KANK4: variants seen among roughly 807,000 people sequenced by gnomAD.
KANK4 encodes KN motif and ankyrin repeat domains 4.
In KANK4, 50 loss-of-function variants were observed where a neutral mutation model predicts 80.8. The ratio of observed to expected loss-of-function variants is 0.62; its 90% CI spans 0.49 to 0.78. The LOEUF is 0.78. KANK4 is among the 30% of genes least tolerant of loss of function. The probability of loss-of-function intolerance (pLI) is 0.00; values close to 1 mark genes in which losing one functional copy is unlikely to be tolerated. For synonymous variants in KANK4, 465 were observed against 506.9 expected, an observed-to-expected ratio of 0.92 and a Z score of 1.11; for missense variants, 1,196 against 1,240.1, an observed-to-expected ratio of 0.96 and a Z score of 0.53.
intron 7 of KANK4, among the ~76,000 whole-genome samples, chr1:62,262,054 T>G (rs1166130289): frequency 1.3e-5 from 2 of 152,354 alleles, no homozygotes; most frequent in Middle Eastern, 3.4e-3. Flanking sequence ...ATGGACCTCA[T>G]GTGTAGTCAA....
chr1:62,261,221 A>G (rs538478902), intron 7 of KANK4, among the ~76,000 whole-genome samples: 1 of 135,704 alleles, frequency 7.4e-6, no homozygotes, highest in South Asian at 2.3e-4. Flanking sequence ...CAATGGCACT[A>G]TCTCAGCTCA....
At chr1:62,279,198 GCACACACA>G (rs10560623) in intron 2 of KANK4, among the ~76,000 whole-genome samples, 28,366 of 145,912 alleles carry the variant, frequency 0.19, 3,142 homozygotes, top group Middle Eastern at 0.33. Flanking sequence ...GCTAGCGCGC[GCACACACA>G]CACACACACA....
intron 1 of KANK4, among the ~76,000 whole-genome samples, chr1:62,308,285 A>G (rs1429905688): frequency 6.6e-6 from 1 of 152,190 alleles, no homozygotes; most frequent in Non-Finnish European, 1.5e-5. Flanking sequence ...AGGCTCACAC[A>G]GGCGCCTGCA....
At chr1:62,307,115 A>T (rs1179787930) in intron 1 of KANK4, among the ~76,000 whole-genome samples, 1 of 152,038 alleles carries the variant, frequency 6.6e-6, no homozygotes, top group Non-Finnish European at 1.5e-5. Context: ...CACTTCGTCC[A>T]GGTTCCTTCC....
intron 1 of KANK4, among the ~76,000 whole-genome samples, chr1:62,291,675 T>G (rs1244293043): frequency 4.6e-5 from 7 of 152,108 alleles, no homozygotes; most frequent in African/African-American, 1.7e-4. Flanking sequence ...TGACGTGATC[T>G]CAGCTCAATG....
intron 7 of KANK4, among the ~76,000 whole-genome samples, chr1:62,259,718 G>C (rs1671833510): frequency 6.7e-6 from 1 of 148,564 alleles, no homozygotes; most frequent in Admixed American, 6.7e-5. Flanking sequence ...ATTATTAAAT[G>C]AAATAATTAT....
In KANK4 at chr1:62,253,067, C is replaced by T; in HGVS notation, c.2682G>A (p.Gln894=). The T allele has an allele frequency of 6.2e-7, 1 of 1,613,728 alleles. No homozygotes were observed. Among genetic ancestry groups the T allele is most frequent in the Non-Finnish European group, 8.5e-7 (1 of 1,179,886 alleles). Residue 894 remains glutamine (Q), a splice_region_variant and synonymous_variant, in exon 8 of 10, where the codon CAG becomes CAA. Transcript: ENST00000371153. The part of the protein sequence containing the change: ...REGNVNIQAT[Q]GGQTALMLGV... ...AGGAGATCCTGTTCATTCCACCCACCTGAGTAGCTTGAATGTTCACATTTC... is the reference window on the plus strand; with the variant it reads ...AGGAGATCCTGTTCATTCCACCCACTTGAGTAGCTTGAATGTTCACATTTC...
intron 2 of KANK4, among the ~76,000 whole-genome samples, chr1:62,279,241 CAG>C (rs1491417157): frequency 0.032 from 2,231 of 69,438 alleles, 51 homozygotes; most frequent in African/African-American, 0.09. Context: ...CACACACACA[CAG>C]AGTGATCCAT....
intron 7 of KANK4, among the ~76,000 whole-genome samples, chr1:62,260,073 C>T (rs1671843031): frequency 6.6e-6 from 1 of 151,720 alleles, no homozygotes; most frequent in Non-Finnish European, 1.5e-5. Context: ...CCATCTGAGG[C>T]CAGTGGCCTC....
Position 62,238,218 on chromosome 1 carries a change from C to G in KANK4, c.*59G>C. The G allele has an allele frequency of 7.7e-7, 1 of 1,292,564 alleles. No individual in the cohort carries two copies. The highest frequency in any genetic ancestry group is 1.8e-5 in the Admixed American group (1 of 55,520). 80.1% of individuals were successfully genotyped at this position (1,292,564 alleles called of 1,614,324 possible). A position where few individuals can be genotyped will look rare whatever the true frequency, so the allele number is the denominator to read the frequency against. ...CTGTGACCTCTGCCCTCTTCAAGGG[C>G]GAGGGAGGAGTCCAGAGAAGAAGGC... On this transcript the variant is annotated 3_prime_UTR_variant, in exon 10 of 10. Coordinates refer to ENST00000371153, the MANE Select transcript of KANK4 (RefSeq NM_181712.5).
At chr1:62,278,393 CTTTCTTTT>C (rs1417090921) in intron 2 of KANK4, among the ~76,000 whole-genome samples, 4 of 18,586 alleles carry the variant, frequency 2.2e-4, no homozygotes, top group African/African-American at 1.3e-3. Context: ...TTCTTTCTTT[CTTTCTTTT>C]TTTTTTTTGA....
intron 1 of KANK4, among the ~76,000 whole-genome samples, chr1:62,282,251 GC>G (rs1672466948): frequency 6.6e-6 from 1 of 152,128 alleles, no homozygotes; most frequent in Non-Finnish European, 1.5e-5. Context: ...GCAGAATATT[GC>G]CCTGGCTCTG....
intron 9 of KANK4, among the ~76,000 whole-genome samples, chr1:62,244,650 G>A (rs754849519): frequency 1.4e-4 from 22 of 152,252 alleles, no homozygotes; most frequent in Non-Finnish European, 2.1e-4. Flanking sequence ...TTTCCCAGCC[G>A]TGTGGAACTG....
At chr1:62,279,196 G>T (rs12029671) in intron 2 of KANK4, among the ~76,000 whole-genome samples, 1,460 of 51,558 alleles carry the variant, frequency 0.028, 17 homozygotes, top group African/African-American at 0.084. Flanking sequence ...AAGCTAGCGC[G>T]CGCACACACA....
chr1:62,286,768 G>A (rs3850633), intron 1 of KANK4, among the ~76,000 whole-genome samples: 50,471 of 151,772 alleles, frequency 0.33, 9,328 homozygotes, highest in South Asian at 0.57. Context: ...CCCTCCTGGG[G>A]CCCCAGGACC....
Position 62,268,396 on chromosome 1 carries a change from T to G in KANK4, c.2122A>C (p.Lys708Gln). Residue 708 changes from lysine (K) to glutamine (Q), a missense_variant, in exon 5 of 10, where the codon AAA becomes CAA. This residue lies in a region of KANK4 where 1,154 missense variants were observed against 1,179.6 expected (regional missense o/e 0.98). Coordinates refer to ENST00000371153, the MANE Select transcript of KANK4 (RefSeq NM_181712.5). ...GCCTCGCAGGTGAGATGGGCATCTTTGACATGCTTGTGATCTGGGCCGTCA... is the reference window on the plus strand; with the variant it reads ...GCCTCGCAGGTGAGATGGGCATCTTGGACATGCTTGTGATCTGGGCCGTCA... The part of the protein sequence containing the change: ...KCDGPDHKHV[K>Q]DAHLTCEAGQ... The G allele has an allele frequency of 1.2e-6, 2 of 1,614,074 alleles. No homozygotes were observed. Among genetic ancestry groups the G allele is most frequent in the Non-Finnish European group, 1.7e-6 (2 of 1,180,008 alleles).
intron 1 of KANK4, among the ~76,000 whole-genome samples, chr1:62,315,998 T>C (rs1443162112): frequency 6.6e-6 from 1 of 152,180 alleles, no homozygotes; most frequent in Non-Finnish European, 1.5e-5. Context: ...CCTGAATCAA[T>C]GAAAATCCCA....
chr1:62,265,415 A>AT (rs963869939), intron 6 of KANK4, among the ~76,000 whole-genome samples: 3 of 150,696 alleles, frequency 2.0e-5, no homozygotes, highest in African/African-American at 4.9e-5. Context: ...AATTTTTTGT[A>AT]TTTTTTTGTA....
chr1:62,271,847 G>C (rs1015364926), intron 3 of KANK4: 9 of 388,148 alleles, frequency 2.3e-5, no homozygotes, highest in Non-Finnish European at 4.4e-5. Context: ...AGGTGCCATT[G>C]TTGTCCCTGT....
Sources: allele counts gnomAD v4.1 joint callset (sites outside exome capture counted in the v4.1 genomes callset), GRCh38; gene constraint gnomAD v4.1.1; regional missense constraint gnomAD v4.1.1; transcripts MANE v1.5; gene names NCBI Gene and HGNC (gene_info 2026-07-23, HGNC 2026-07-21).